The following PTPRD variants were observed in gnomAD, a reference collection of about 807,000 sequenced individuals.
PTPRD encodes the protein protein tyrosine phosphatase receptor type D, also known as receptor-type tyrosine-protein phosphatase delta.
PTPRD carries 34 observed loss-of-function variants against 214.5 expected under a neutral mutation model. That is an observed-to-expected ratio of 0.16 (90% CI 0.12 to 0.21). The LOEUF (loss-of-function observed/expected upper bound fraction) is 0.21. Among genes scored for constraint, PTPRD ranks in the 10% least tolerant of loss-of-function variants. PTPRD has a pLI of 1.00. For synonymous variants in PTPRD, 1,128 were observed against 845.7 expected, an observed-to-expected ratio of 1.33 and a Z score of -5.79; for missense variants, 2,545 against 2,398.7, an observed-to-expected ratio of 1.06 and a Z score of -1.27.
At chr9:8,594,220 T>C (rs2094329057) in intron 14 of PTPRD, among the ~76,000 whole-genome samples, 1 of 152,176 alleles carries the variant, frequency 6.6e-6, no homozygotes, top group Admixed American at 6.5e-5. Context: ...TTACTTTAAA[T>C]GTTTTATCCT....
At chr9:8,661,976 C>T (rs140927093) in intron 12 of PTPRD, among the ~76,000 whole-genome samples, 1 of 152,142 alleles carries the variant, frequency 6.6e-6, no homozygotes, top group Non-Finnish European at 1.5e-5. Context: ...CAGGTAAAGC[C>T]TTGCTACGTT....
intron 12 of PTPRD, among the ~76,000 whole-genome samples, chr9:8,711,240 G>C (rs921958172): frequency 2.0e-5 from 3 of 149,244 alleles, no homozygotes; most frequent in Admixed American, 6.7e-5. Context: ...AGCTCATTTA[G>C]TTCTAGTAAT....
intron 4 of PTPRD, among the ~76,000 whole-genome samples, chr9:10,017,081 T>G (rs781393861): frequency 5.3e-5 from 8 of 152,292 alleles, no homozygotes; most frequent in Admixed American, 1.3e-4. Flanking sequence ...CCAATCTACA[T>G]TCCCACCAGT....
At chr9:8,526,974 C>G (rs2074327209) in intron 16 of PTPRD, among the ~76,000 whole-genome samples, 1 of 150,978 alleles carries the variant, frequency 6.6e-6, no homozygotes, top group Non-Finnish European at 1.5e-5. Flanking sequence ...AAAAACTATA[C>G]AATATTTTTA....
intron 2 of PTPRD, among the ~76,000 whole-genome samples, chr9:10,468,344 T>C (rs781039708): frequency 9.2e-5 from 14 of 152,116 alleles, no homozygotes; most frequent in Non-Finnish European, 1.3e-4. Context: ...GTTCATGTCC[T>C]TTGCAGAGAC....
intron 8 of PTPRD, among the ~76,000 whole-genome samples, chr9:9,520,434 A>C (rs1231537510): frequency 6.6e-6 from 1 of 151,978 alleles, no homozygotes; most frequent in Non-Finnish European, 1.5e-5. Context: ...AACATATGGA[A>C]AATACATCTC....
intron 2 of PTPRD, among the ~76,000 whole-genome samples, chr9:10,513,098 T>C (rs1317745434): frequency 2.6e-5 from 4 of 152,106 alleles, no homozygotes; most frequent in African/African-American, 7.2e-5. Context: ...GTTAACATTA[T>C]TGAAGGATAG....
At chr9:10,095,425 T>C (rs1049867801) in intron 3 of PTPRD, among the ~76,000 whole-genome samples, 10 of 151,540 alleles carry the variant, frequency 6.6e-5, no homozygotes, top group Non-Finnish European at 1.2e-4. Context: ...GCATGTCATC[T>C]CTGATACTGA....
intron 4 of PTPRD, among the ~76,000 whole-genome samples, chr9:9,981,001 C>T (rs2095525396): frequency 6.6e-6 from 1 of 152,106 alleles, no homozygotes; most frequent in Non-Finnish European, 1.5e-5. Context: ...ATTCATTTAA[C>T]CTGAATATGT....
chr9:8,419,656 C>T (rs972751141), intron 35 of PTPRD, among the ~76,000 whole-genome samples: 4 of 150,876 alleles, frequency 2.7e-5, no homozygotes, highest in African/African-American at 7.3e-5. Flanking sequence ...ATTTCTTTCT[C>T]GGGGGGGCAT....
At chr9:8,672,291 T>A (rs930926304) in intron 12 of PTPRD, among the ~76,000 whole-genome samples, 1 of 152,194 alleles carries the variant, frequency 6.6e-6, no homozygotes, top group African/African-American at 2.4e-5. Flanking sequence ...TCAAGTAGTT[T>A]ATGCAAATGG....
chr9:8,763,552 T>C (rs756012236), intron 11 of PTPRD, among the ~76,000 whole-genome samples: 2 of 151,432 alleles, frequency 1.3e-5, no homozygotes, highest in South Asian at 2.1e-4. Flanking sequence ...ATATAACATA[T>C]ATACATTATA....
At chr9:8,540,519 A>C (rs944042834) in intron 14 of PTPRD, among the ~76,000 whole-genome samples, 1 of 152,216 alleles carries the variant, frequency 6.6e-6, no homozygotes, top group African/African-American at 2.4e-5. Flanking sequence ...TCAATATTCT[A>C]ATAACATAAT....
At chr9:10,251,563 G>A (rs1021465544) in intron 3 of PTPRD, among the ~76,000 whole-genome samples, 1 of 152,062 alleles carries the variant, frequency 6.6e-6, no homozygotes, top group African/African-American at 2.4e-5. Flanking sequence ...TTATATGAAT[G>A]AGCTTGTGTA....
chr9:9,039,231 G>T (rs1017185851), intron 10 of PTPRD, among the ~76,000 whole-genome samples: 2 of 152,186 alleles, frequency 1.3e-5, no homozygotes, highest in Non-Finnish European at 2.9e-5. Context: ...AAGAGAACTT[G>T]TCAATCAGAA....
chr9:9,776,427 T>A (rs907837195), intron 5 of PTPRD, among the ~76,000 whole-genome samples: 2 of 152,226 alleles, frequency 1.3e-5, no homozygotes, highest in African/African-American at 4.8e-5. Flanking sequence ...ATTATACTTA[T>A]GAGCTTCCAG....
intron 2 of PTPRD, among the ~76,000 whole-genome samples, chr9:10,506,517 G>C (rs935179330): frequency 6.6e-6 from 1 of 152,044 alleles, no homozygotes; most frequent in Non-Finnish European, 1.5e-5. Flanking sequence ...AAATGCTTGA[G>C]GTGATTGGTA....
chr9:10,191,506 T>C (rs548453661), intron 3 of PTPRD, among the ~76,000 whole-genome samples: 1 of 152,280 alleles, frequency 6.6e-6, no homozygotes, highest in South Asian at 2.1e-4. Context: ...AAAAAATGCC[T>C]GCAATTTCCA....
At chr9:10,324,025 C>A (rs920950595) in intron 3 of PTPRD, among the ~76,000 whole-genome samples, 1 of 151,952 alleles carries the variant, frequency 6.6e-6, no homozygotes, top group African/African-American at 2.4e-5. Flanking sequence ...GTTAGCAGAA[C>A]CTGGAAACAT....
Sources: gnomAD v4.1 joint callset for allele counts (sites outside exome capture counted in the v4.1 genomes callset) on GRCh38, gnomAD v4.1.1 for gene constraint, MANE v1.5 for transcripts, NCBI Gene and HGNC (gene_info 2026-07-23, HGNC 2026-07-21) for gene names.